The following KLHL13 variants were observed in gnomAD, a reference collection of about 807,000 sequenced individuals.
The protein encoded by KLHL13 is kelch like family member 13.
In KLHL13, 10 loss-of-function variants were observed where a neutral mutation model predicts 37.1. The observed-to-expected ratio is 0.27, with a 90% CI of 0.17 to 0.46. The LOEUF is 0.46. Ranked by LOEUF, KLHL13 falls within the 20% of genes least tolerant of loss-of-function variation. The probability of loss-of-function intolerance (pLI) is 1.00; values close to 1 mark genes in which losing one functional copy is unlikely to be tolerated. For synonymous variants in KLHL13, 163 were observed against 181.2 expected (o/e 0.90, Z 0.81); for missense variants, 360 against 509.3 (o/e 0.71, Z 2.82).
intron 1 of KLHL13, among the ~76,000 whole-genome samples, chrX:117,956,692 C>G (rs555285389): frequency 8.9e-6 from 1 of 112,003 alleles, no homozygotes; most frequent in South Asian, 3.7e-4. Context: ...ATTTCTGACT[C>G]TCAGTGTAGA....
At chrX:117,899,493 G>A in intron 6 of KLHL13, 98 bp from the exon 8 acceptor site, 1 of 665,418 alleles carries the variant, frequency 1.5e-6, no homozygotes, top group Non-Finnish European at 2.3e-6. Flanking sequence ...CACATATTAT[G>A]ACATATACCT....
At chrX:118,013,333 CAA>C (rs1371659019) in intron 1 of KLHL13, among the ~76,000 whole-genome samples, 1 of 111,630 alleles carries the variant, frequency 9.0e-6, no homozygotes. Context: ...ATCTAGACAA[CAA>C]GAGTCAGCCA....
chrX:118,076,905 TTCTC>T lies in KLHL13; in HGVS notation c.-56+39599_-56+39602del, dbSNP rs755332373. ...CTTCTCTTCTCCTCTTCTCTTCTTC[TTCTC>T]TCTCTCTCTCTCCCTCTCTCCCCTT... On this transcript the variant is annotated intron_variant, in intron 1 of 6. Coordinates refer to the KLHL13 transcript ENST00000371882. 1.4e-4 allele frequency among the ~76,000 whole-genome samples: 15 copies of T among 107,358 alleles called. No individual in the cohort carries two copies. In the South Asian group the frequency reaches 3.5e-3, roughly 25 times the overall value. 93.2% of individuals were successfully genotyped at this position (107,358 alleles called of 115,157 possible).
At chrX:117,943,214 T>C (rs1933138836) in intron 2 of KLHL13, among the ~76,000 whole-genome samples, 1 of 111,959 alleles carries the variant, frequency 8.9e-6, no homozygotes, top group Non-Finnish European at 1.9e-5. Context: ...CTGATGGGCT[T>C]CCCTTTGTAG....
chrX:117,899,711 T>C (rs1425401431), intron 6 of KLHL13, among the ~76,000 whole-genome samples: 1 of 111,748 alleles, frequency 8.9e-6, no homozygotes, highest in African/African-American at 3.2e-5. Context: ...ACTGATAGAG[T>C]TGGGTCTGTA....
intron 1 of KLHL13, among the ~76,000 whole-genome samples, chrX:118,040,647 A>G (rs867014878): frequency 2.1e-4 from 23 of 112,135 alleles, no homozygotes; most frequent in Admixed American, 3.8e-4. Flanking sequence ...GTTTATTCAA[A>G]GGGATAATAA....
At chrX:117,999,033 T>C (rs2053889445) in intron 1 of KLHL13, among the ~76,000 whole-genome samples, 3 of 111,050 alleles carry the variant, frequency 2.7e-5, no homozygotes, top group Non-Finnish European at 3.8e-5. Context: ...ACTTCCTTCC[T>C]GATGTGCCTT....
At chrX:117,923,309 A>G (rs938499395) in intron 2 of KLHL13, among the ~76,000 whole-genome samples, 4 of 112,131 alleles carry the variant, frequency 3.6e-5, no homozygotes, top group African/African-American at 6.5e-5. Flanking sequence ...TTCTTGGGAA[A>G]AGTAACATAC....
chrX:118,106,470 T>C (rs2055348058), intron 1 of KLHL13, among the ~76,000 whole-genome samples: 1 of 111,947 alleles, frequency 8.9e-6, no homozygotes, highest in African/African-American at 3.2e-5. Context: ...AATACTGCCT[T>C]TTTATCATCA....
At chrX:117,994,220 T>G (rs1398199860) in intron 1 of KLHL13, among the ~76,000 whole-genome samples, 1 of 110,074 alleles carries the variant, frequency 9.1e-6, no homozygotes, top group East Asian at 2.9e-4. Context: ...AGCATCTTCC[T>G]CCCTCCCCCT....
chrX:117,928,406 T>C (rs1353633492), intron 2 of KLHL13, among the ~76,000 whole-genome samples: 1 of 111,822 alleles, frequency 8.9e-6, no homozygotes, highest in Non-Finnish European at 1.9e-5. Flanking sequence ...ATGCAAATTA[T>C]TTTCAGGTAT....
intron 1 of KLHL13, among the ~76,000 whole-genome samples, chrX:117,989,146 T>C (rs2053759391): frequency 8.9e-6 from 1 of 111,951 alleles, no homozygotes; most frequent in Admixed American, 9.5e-5. Context: ...GTATTTTACT[T>C]GCTTTAAATG....
intron 4 of KLHL13, among the ~76,000 whole-genome samples, chrX:117,912,494 G>A (rs761075860): frequency 5.4e-5 from 6 of 111,867 alleles, no homozygotes; most frequent in South Asian, 3.7e-4. Context: ...TTTATCCAGT[G>A]AGAAAACGAT....
At chrX:118,005,191 C>T (rs1441684773) in intron 1 of KLHL13, among the ~76,000 whole-genome samples, 1 of 111,284 alleles carries the variant, frequency 9.0e-6, no homozygotes, top group Non-Finnish European at 1.9e-5. Flanking sequence ...TCAGGGGGTC[C>T]TGGAACCAAT....
At chrX:118,033,920 A>T (rs1269889341) in intron 1 of KLHL13, among the ~76,000 whole-genome samples, 1 of 99,686 alleles carries the variant, frequency 1.0e-5, no homozygotes, top group Non-Finnish European at 2.0e-5. Flanking sequence ...TGGAAAACAA[A>T]AAAAGGCAGG....
intron 1 of KLHL13, among the ~76,000 whole-genome samples, chrX:118,012,734 T>C (rs958510506): frequency 9.2e-6 from 1 of 109,070 alleles, no homozygotes; most frequent in Admixed American, 9.7e-5. Flanking sequence ...TTTGTCAGAT[T>C]TCTTCACTAT....
intron 1 of KLHL13, chrX:117,946,962 C>T (rs930891943): frequency 3.6e-5 from 4 of 111,179 alleles, no homozygotes; most frequent in Admixed American, 9.6e-5. Context: ...CATAGTATAA[C>T]CAAAAATGAA....
intron 1 of KLHL13, among the ~76,000 whole-genome samples, chrX:118,011,467 A>C (rs2054067579): frequency 9.3e-6 from 1 of 107,917 alleles, no homozygotes; most frequent in African/African-American, 3.5e-5. Flanking sequence ...GGGAGGGCTA[A>C]GACTAGAAGC....
intron 1 of KLHL13, among the ~76,000 whole-genome samples, chrX:117,983,811 C>T (rs1218197481): frequency 9.0e-6 from 1 of 111,566 alleles, no homozygotes; most frequent in African/African-American, 3.3e-5. Flanking sequence ...GGGCATTAAG[C>T]ATAACAATGA....
Sources: gnomAD v4.1 joint callset for allele counts (sites outside exome capture counted in the v4.1 genomes callset) on GRCh38, gnomAD v4.1.1 for gene constraint, MANE v1.5 for transcripts, NCBI Gene and HGNC (gene_info 2026-07-23, HGNC 2026-07-21) for gene names.